Variants in KDM4C observed in about 807,000 individuals in gnomAD.
KDM4C encodes lysine-specific demethylase 4C.
A neutral mutation model predicts 129.3 loss-of-function variants in KDM4C; 81 were observed. The observed-to-expected ratio is 0.63, with a 90% CI of 0.52 to 0.75. The LOEUF is 0.75. Ranked by LOEUF, KDM4C falls within the 30% of genes least tolerant of loss-of-function variation. KDM4C has a pLI of 0.00. For synonymous variants in KDM4C, 573 were observed against 456.1 expected (o/e 1.26, Z -3.26); for missense variants, 1,457 against 1,304.0 (o/e 1.12, Z -1.81).
rs1311800097 is a variant in KDM4C at position 6,990,521 on chromosome 9, G to T, written c.1783G>T (p.Glu595Ter). The change falls in exon 12 of 22, where the codon GAA (glutamate) becomes TAA (stop). Residue 595 changes from glutamate to a stop codon, truncating the protein, a stop_gained. Transcript: ENST00000381309. LOFTEE classifies it high-confidence loss of function. ...TLVKQQAPSD[E>*]ELPEVLSIEE... ...TGTGAAGCAGCAGGCGCCAAGTGAT[G>T]AAGGTGAGATGGTGACCCTTTTTGG... is the stretch of plus-strand genomic sequence containing the variant. 6.3e-7 allele frequency: 1 copy of T among 1,592,302 alleles called. No individual in the cohort carries two copies. The highest frequency in any genetic ancestry group is 1.7e-5 in the Admixed American group (1 of 58,918).
chr9:6,747,527 G>C, intron 1 of KDM4C, among the ~76,000 whole-genome samples: 1 of 113,494 alleles, frequency 8.8e-6, no homozygotes. Flanking sequence ...CAACCTGGAT[G>C]ACAGGGCGAT....
chr9:7,111,675 G>A (rs1362460380), intron 18 of KDM4C, among the ~76,000 whole-genome samples: 1 of 152,152 alleles, frequency 6.6e-6, no homozygotes, highest in East Asian at 1.9e-4. Flanking sequence ...AGAGTTCAGT[G>A]TTACTGGCTC....
intron 18 of KDM4C, among the ~76,000 whole-genome samples, chr9:7,111,680 T>C (rs192448092): frequency 6.6e-6 from 1 of 152,304 alleles, no homozygotes. Context: ...TCAGTGTTAC[T>C]GGCTCTAAGA....
At chr9:6,729,696 A>T (rs879473893) in intron 1 of KDM4C, among the ~76,000 whole-genome samples, 7 of 135,176 alleles carry the variant, frequency 5.2e-5, no homozygotes, top group African/African-American at 9.4e-5. Context: ...TTAGTTGCTA[A>T]TGAGCTCTTG....
At chr9:6,862,648 C>A (rs754274208) in intron 5 of KDM4C, among the ~76,000 whole-genome samples, 4 of 152,056 alleles carry the variant, frequency 2.6e-5, no homozygotes, top group Non-Finnish European at 5.9e-5. Flanking sequence ...ACTAAAAATA[C>A]AAAAACACAT....
chr9:6,830,439 TG>T (rs928887337), intron 4 of KDM4C, among the ~76,000 whole-genome samples: 137 of 152,282 alleles, frequency 9.0e-4, no homozygotes, highest in African/African-American at 3.2e-3. Flanking sequence ...AGTGGGCTTT[TG>T]GGGGGTCACT....
intron 4 of KDM4C, among the ~76,000 whole-genome samples, chr9:6,826,053 C>A (rs1235672522): frequency 6.6e-6 from 1 of 152,198 alleles, no homozygotes; most frequent in Non-Finnish European, 1.5e-5. Context: ...TTCAAGTGAT[C>A]TTCCTGCCTC....
In KDM4C at chr9:7,084,035, G is replaced by T. The variant is rs529018173; in HGVS notation, c.2425-19650G>T. 3.9e-5 allele frequency among the ~76,000 whole-genome samples: 6 copies of T among 152,282 alleles called. No individual in the cohort carries two copies. In the East Asian group the frequency reaches 1.2e-3, roughly 29 times the overall value. On this transcript the variant is annotated intron_variant, in intron 17 of 21. Coordinates refer to ENST00000381309, the MANE Select transcript of KDM4C (RefSeq NM_015061.6). ...TAATCAAATGCTGAGGGCAGTCAAG[G>T]CTCTGGGTAACCTAGTGTTTGCTGT...
intron 17 of KDM4C, among the ~76,000 whole-genome samples, chr9:7,087,322 T>C (rs916334020): frequency 6.6e-6 from 1 of 151,868 alleles, no homozygotes; most frequent in African/African-American, 2.4e-5. Context: ...CACAGAAACA[T>C]GCCTTAACTC....
At chr9:6,886,921 T>G (rs921189324) in intron 6 of KDM4C, among the ~76,000 whole-genome samples, 1 of 152,160 alleles carries the variant, frequency 6.6e-6, no homozygotes, top group Non-Finnish European at 1.5e-5. Context: ...CCTGGCCAAA[T>G]TGGTCACGTT....
intron 4 of KDM4C, among the ~76,000 whole-genome samples, chr9:6,822,437 G>A (rs1588505398): frequency 6.6e-6 from 1 of 152,324 alleles, no homozygotes; most frequent in Non-Finnish European, 1.5e-5. Flanking sequence ...TGACTACATT[G>A]ATTCATTGCA....
intron 1 of KDM4C, among the ~76,000 whole-genome samples, chr9:6,762,050 G>A (rs1377205751): frequency 6.6e-6 from 1 of 151,104 alleles, no homozygotes; most frequent in Non-Finnish European, 1.5e-5. Context: ...CGCCTGCCTC[G>A]GCCTCCCAAA....
At chr9:6,887,914 T>A (rs867103256) in intron 6 of KDM4C, 46 bp from the exon 7 acceptor site, 1 of 1,107,898 alleles carries the variant, frequency 9.0e-7, no homozygotes, top group Middle Eastern at 2.0e-4. Flanking sequence ...TTTGATATTT[T>A]CTCTTAATCG....
At chr9:6,963,663 T>C (rs1830397591) in intron 8 of KDM4C, among the ~76,000 whole-genome samples, 1 of 152,252 alleles carries the variant, frequency 6.6e-6, no homozygotes, top group African/African-American at 2.4e-5. Context: ...GATGGTTTCA[T>C]TGCTGTTTAA....
At chr9:7,047,975 G>A (rs1275082068) in intron 16 of KDM4C, among the ~76,000 whole-genome samples, 1 of 152,048 alleles carries the variant, frequency 6.6e-6, no homozygotes, top group East Asian at 1.9e-4. Flanking sequence ...TTGCTGGGAA[G>A]GAGGAGTGAA....
intron 5 of KDM4C, among the ~76,000 whole-genome samples, chr9:6,849,902 A>T (rs1838525918): frequency 6.6e-6 from 1 of 152,336 alleles, no homozygotes; most frequent in South Asian, 2.1e-4. Context: ...TAACTCGTAC[A>T]GTCATGCACT....
intron 5 of KDM4C, among the ~76,000 whole-genome samples, chr9:6,865,660 A>G (rs967974362): frequency 3.3e-5 from 5 of 152,062 alleles, no homozygotes; most frequent in African/African-American, 1.2e-4. Flanking sequence ...TCCGCCTCCC[A>G]GTTTCAAGCA....
intron 8 of KDM4C, among the ~76,000 whole-genome samples, chr9:6,951,926 A>AT (rs912387279): frequency 2.6e-5 from 4 of 151,642 alleles, no homozygotes; most frequent in East Asian, 1.9e-4. Context: ...TAAGTTTTAA[A>AT]TTTTTTTTTC....
Position 6,876,263 on chromosome 9 carries a change from C to T in KDM4C, c.630-3749C>T, listed in dbSNP as rs138321931. 8.0e-3 allele frequency among the ~76,000 whole-genome samples: 1,223 copies of T among 152,162 alleles called. 17 individuals carry two copies. The highest frequency in any genetic ancestry group is 0.028 in the African/African-American group (1,169 of 41,494). Reference sequence around the variant, plus strand: ...TTACCCTTGATCTTAGCCAAAAGGCCGAGAAGTGATTTAGCCATCTTTTAA... The same window carrying T: ...TTACCCTTGATCTTAGCCAAAAGGCTGAGAAGTGATTTAGCCATCTTTTAA... On this transcript the variant is annotated intron_variant, in intron 5 of 21. Coordinates refer to ENST00000381309, the MANE Select transcript of KDM4C (RefSeq NM_015061.6).
Sources: allele counts gnomAD v4.1 joint callset (sites outside exome capture counted in the v4.1 genomes callset), GRCh38; gene constraint gnomAD v4.1.1; transcripts MANE v1.5; gene names NCBI Gene and HGNC (gene_info 2026-07-23, HGNC 2026-07-21).